ADIPOR2: variants seen among roughly 807,000 people sequenced by gnomAD.
ADIPOR2 encodes adiponectin receptor protein 2.
A neutral mutation model predicts 40.9 loss-of-function variants in ADIPOR2; 18 were observed. The observed-to-expected ratio is 0.44, with a 90% confidence interval of 0.30 to 0.65. ADIPOR2 has a LOEUF of 0.65. Ranked by LOEUF, ADIPOR2 falls within the 30% of genes least tolerant of loss-of-function variation. ADIPOR2 has a pLI of 0.09. For synonymous variants in ADIPOR2, 165 were observed against 166.4 expected, an observed-to-expected ratio of 0.99 and a Z score of 0.06; for missense variants, 283 against 479.2, an observed-to-expected ratio of 0.59 and a Z score of 3.82.
chr12:1,706,733 A>C (rs1200924986), intron 1 of ADIPOR2, among the ~76,000 whole-genome samples: 1 of 151,976 alleles, frequency 6.6e-6, no homozygotes, highest in Non-Finnish European at 1.5e-5. Flanking sequence ...TATCTCCAAA[A>C]CCTTCCTCGT....
chr12:1,725,990 T>C lies in ADIPOR2; in HGVS notation c.-86-28268T>C, dbSNP rs368841992. ...AACAAAACATAAATGCTTGCCCTTA[T>C]GGAACCTACAATCTGTTGGTTTTAA... On this transcript the variant is annotated intron_variant, in intron 1 of 7. Coordinates refer to ENST00000357103, the MANE Select transcript of ADIPOR2 (RefSeq NM_024551.3). 1.2e-4 allele frequency among the ~76,000 whole-genome samples: 19 copies of C among 152,342 alleles called. 1 individual carries two copies. In the South Asian group the frequency reaches 3.7e-3, roughly 30 times the overall value.
At chr12:1,779,678 G>A (rs1862674868) in intron 4 of ADIPOR2, among the ~76,000 whole-genome samples, 1 of 152,188 alleles carries the variant, frequency 6.6e-6, no homozygotes, top group Non-Finnish European at 1.5e-5. Flanking sequence ...TTTCCATGGT[G>A]CCTCTAAGTT....
intron 1 of ADIPOR2, chr12:1,697,386 CTCT>C (rs1350126864): frequency 6.6e-6 from 1 of 152,616 alleles, no homozygotes; most frequent in Admixed American, 6.5e-5. Flanking sequence ...CTATTTGTTT[CTCT>C]TCTTCATCTT....
intron 1 of ADIPOR2, among the ~76,000 whole-genome samples, chr12:1,711,632 C>G (rs9795855): frequency 9.3e-6 from 1 of 107,208 alleles, no homozygotes; most frequent in East Asian, 2.7e-4. Flanking sequence ...CTCTCTCTCT[C>G]TCTCTCTCTT....
intron 1 of ADIPOR2, among the ~76,000 whole-genome samples, chr12:1,717,612 G>A (rs967694192): frequency 1.3e-5 from 2 of 152,142 alleles, no homozygotes; most frequent in Admixed American, 6.5e-5. Flanking sequence ...GGCTGAGGCA[G>A]GAGAATTGCT....
intron 7 of ADIPOR2, among the ~76,000 whole-genome samples, chr12:1,785,613 A>T (rs1430456911): frequency 2.0e-5 from 1 of 51,152 alleles, no homozygotes; most frequent in Non-Finnish European, 7.3e-5. Flanking sequence ...GTGGCCTGTT[A>T]GCAAGAGAGT....
At chr12:1,737,927 T>C (rs1465299009) in intron 1 of ADIPOR2, among the ~76,000 whole-genome samples, 2 of 152,186 alleles carry the variant, frequency 1.3e-5, no homozygotes, top group East Asian at 1.9e-4. Context: ...CCATTACTTA[T>C]TACAGTTGCC....
At position 1,754,245 on chromosome 12, in the gene ADIPOR2, T is replaced by G; in HGVS notation, c.-86-13T>G. ...TCCTTTAATGCATTTTTTCAAAACTTTCATCTTCTTAGGATCAACTCACTA... is the reference window on the plus strand; with the variant it reads ...TCCTTTAATGCATTTTTTCAAAACTGTCATCTTCTTAGGATCAACTCACTA... On this transcript the variant is annotated splice_polypyrimidine_tract_variant and intron_variant, in intron 1 of 7. Coordinates refer to ENST00000357103, the MANE Select transcript of ADIPOR2 (RefSeq NM_024551.3). 1 of 1,253,192 alleles carries G rather than the reference T, an allele frequency of 8.0e-7. No individual in the cohort carries two copies. The highest frequency in any genetic ancestry group is 1.1e-6 in the Non-Finnish European group (1 of 948,518). 77.6% of individuals were successfully genotyped at this position (1,253,192 alleles called of 1,614,324 possible). A position where few individuals can be genotyped will look rare whatever the true frequency, so the allele number is the denominator to read the frequency against.
At position 1,783,880 on chromosome 12, in the gene ADIPOR2, G is replaced by A. The variant is rs780258481; in HGVS notation, c.839G>A (p.Gly280Glu). The A allele has an allele frequency of 6.3e-7, 1 of 1,596,202 alleles. No homozygotes were observed. Among genetic ancestry groups the A allele is most frequent in the South Asian group, 1.1e-5 (1 of 88,762 alleles). The change falls in exon 7 of 8, where the codon GGA becomes GAA. Residue 280 changes from glycine to glutamate, a missense_variant and splice_region_variant. Coordinates refer to ENST00000357103, the MANE Select transcript of ADIPOR2 (RefSeq NM_024551.3). The part of the protein sequence containing the change: ...ATPQYRGVRA[G>E]VFLGLGLSGI... Reference sequence around the variant, plus strand: ...TTTACTCTCTTCTTGTGACTCCTAGGAGTGTTTTTGGGCCTAGGCCTGAGT... The same window carrying A: ...TTTACTCTCTTCTTGTGACTCCTAGAAGTGTTTTTGGGCCTAGGCCTGAGT...
chr12:1,722,118 G>A (rs762012160), intron 1 of ADIPOR2, among the ~76,000 whole-genome samples: 1 of 152,208 alleles, frequency 6.6e-6, no homozygotes, highest in African/African-American at 2.4e-5. Flanking sequence ...GACCTCTGGA[G>A]GCTGCTGTAT....
At chr12:1,741,430 T>C (rs2094742677) in intron 1 of ADIPOR2, among the ~76,000 whole-genome samples, 1 of 152,140 alleles carries the variant, frequency 6.6e-6, no homozygotes, top group East Asian at 1.9e-4. Flanking sequence ...ATGGATTAAG[T>C]ATGGGGGCTT....
intron 1 of ADIPOR2, among the ~76,000 whole-genome samples, chr12:1,709,339 C>T (rs1283365303): frequency 6.6e-6 from 1 of 151,926 alleles, no homozygotes; most frequent in Non-Finnish European, 1.5e-5. Flanking sequence ...TGGATTTATT[C>T]CTAATTATTT....
At chr12:1,783,530 C>G (rs1379490550) in intron 6 of ADIPOR2, among the ~76,000 whole-genome samples, 1 of 151,860 alleles carries the variant, frequency 6.6e-6, no homozygotes, top group African/African-American at 2.4e-5. Context: ...TCCCGAGTAG[C>G]TGGGATTACA....
chr12:1,744,153 C>T (rs1320302955), intron 1 of ADIPOR2, among the ~76,000 whole-genome samples: 1 of 150,992 alleles, frequency 6.6e-6, no homozygotes, highest in Non-Finnish European at 1.5e-5. Flanking sequence ...GTCGCCCAGG[C>T]TGGAGTGCAG....
At chr12:1,781,202 A>G in intron 6 of ADIPOR2, 126 bp downstream of exon 6, 4 of 1,052,816 alleles carry the variant, frequency 3.8e-6, no homozygotes, top group East Asian at 2.9e-5. Context: ...TGAAGAAATC[A>G]TAGTTCCTAT....
intron 6 of ADIPOR2, among the ~76,000 whole-genome samples, chr12:1,783,385 AG>A (rs1333225564): frequency 6.7e-6 from 1 of 149,442 alleles, no homozygotes; most frequent in Non-Finnish European, 1.5e-5. Context: ...AGCCTCTCTT[AG>A]TGAGGCTCAT....
intron 1 of ADIPOR2, among the ~76,000 whole-genome samples, chr12:1,709,922 A>C (rs1322957069): frequency 1.3e-5 from 2 of 152,354 alleles, no homozygotes; most frequent in African/African-American, 4.8e-5. Flanking sequence ...TTGTTGGCCC[A>C]GTACAACTCT....
intron 2 of ADIPOR2, among the ~76,000 whole-genome samples, chr12:1,762,857 G>A (rs1012385417): frequency 6.6e-6 from 1 of 152,130 alleles, no homozygotes; most frequent in African/African-American, 2.4e-5. Flanking sequence ...TCTTCAAAGG[G>A]GCAGGGTTTT....
At chr12:1,732,703 TAC>T (rs1440668569) in intron 1 of ADIPOR2, among the ~76,000 whole-genome samples, 9 of 152,246 alleles carry the variant, frequency 5.9e-5, no homozygotes, top group Non-Finnish European at 1.5e-5. Flanking sequence ...TATTTATGCA[TAC>T]ACTTTTATAT....
Sources: allele counts gnomAD v4.1 joint callset (sites outside exome capture counted in the v4.1 genomes callset), GRCh38; gene constraint gnomAD v4.1.1; transcripts MANE v1.5; gene names NCBI Gene and HGNC (gene_info 2026-07-23, HGNC 2026-07-21).